KIAA1755: variants seen among roughly 807,000 people sequenced by gnomAD.
KIAA1755 encodes the protein uncharacterized protein KIAA1755.
In KIAA1755, 68 loss-of-function variants were observed where a neutral mutation model predicts 91.7. That is an observed-to-expected ratio of 0.74 (90% CI 0.61 to 0.91). The LOEUF is 0.91. KIAA1755 is among the 40% of genes least tolerant of loss of function. The pLI, the probability that KIAA1755 is intolerant of heterozygous loss-of-function variation, is 0.00. For missense variants in KIAA1755, 1,535 were observed against 1,494.4 expected, an observed-to-expected ratio of 1.03 and a Z score of -0.45; for synonymous variants, 610 against 604.6, an observed-to-expected ratio of 1.01 and a Z score of -0.13.
At position 38,253,325 on chromosome 20, in the gene KIAA1755, C is replaced by T. The variant is rs138129393; in HGVS notation, c.3+7173G>A. On this transcript the variant is annotated intron_variant, in intron 1 of 13. Transcript: ENST00000279024. ...TATAACCTGGGCAGGGGAGTAGGGG[C>T]GTGCGTATACTTCCATTTCAATGTC... 6.6e-3 allele frequency among the ~76,000 whole-genome samples: 1,007 copies of T among 152,274 alleles called. 28 individuals carry two copies. The highest frequency in any genetic ancestry group is 0.059 in the Admixed American group (907 of 15,294).
At chr20:38,259,490 T>C (rs1287564631) in intron 1 of KIAA1755, among the ~76,000 whole-genome samples, 1 of 151,030 alleles carries the variant, frequency 6.6e-6, no homozygotes, top group Non-Finnish European at 1.5e-5. Context: ...TGTGCATGTG[T>C]ACGTGTGTGT....
chr20:38,217,243 C>T lies in KIAA1755; in HGVS notation c.2901+10G>A, dbSNP rs372862729. ...GGGGGGTATCTGTGCAGGTGGGCCGCGGGGCTCACCCTCTTGCAGAAGCGG... is the reference window on the plus strand; with the variant it reads ...GGGGGGTATCTGTGCAGGTGGGCCGTGGGGCTCACCCTCTTGCAGAAGCGG... On this transcript the variant is annotated intron_variant, in intron 13 of 13. Coordinates refer to ENST00000279024, the MANE Select transcript of KIAA1755 (RefSeq NM_001029864.2). 280 of 1,586,318 alleles carry T rather than the reference C, an allele frequency of 1.8e-4. 1 individual carries two copies. The highest frequency in any genetic ancestry group is 1.7e-3 in the Middle Eastern group (10 of 5,966).
chr20:38,239,714 G>A lies in KIAA1755; in HGVS notation c.1561C>T (p.Gln521Ter). 6.2e-7 allele frequency: 1 copy of A among 1,612,148 alleles called. No homozygotes were observed. The highest frequency in any genetic ancestry group is 8.5e-7 in the Non-Finnish European group (1 of 1,179,986). ...AKSLGKAGTT[Q>*]TKTSGPATAP... ...GTGGCTGGGCCAGATGTTTTGGTCT[G>A]AGTTGTTCCAGCTGGGAAAAAGCAA... The change falls in exon 4 of 14, where the codon CAG (glutamine) becomes TAG (stop). Residue 521 changes from glutamine to a stop codon, truncating the protein, a stop_gained. Transcript: ENST00000279024. LOFTEE classifies it high-confidence loss of function.
intron 13 of KIAA1755, chr20:38,216,896 A>C (rs1193682771): frequency 3.9e-6 from 2 of 509,556 alleles, no homozygotes; most frequent in South Asian, 3.1e-5. Context: ...ATCTGTCGTC[A>C]TTTCTCTTCT....
At chr20:38,257,713 C>T (rs1043925541) in intron 1 of KIAA1755, among the ~76,000 whole-genome samples, 3 of 151,972 alleles carry the variant, frequency 2.0e-5, no homozygotes, top group African/African-American at 2.4e-5. Flanking sequence ...CCATTCCTCA[C>T]GATGACACCA....
chr20:38,252,773 G>C (rs2076273279), intron 1 of KIAA1755, among the ~76,000 whole-genome samples: 1 of 152,212 alleles, frequency 6.6e-6, no homozygotes, highest in East Asian at 1.9e-4. Context: ...CCAGTAAAAA[G>C]GAAGTATGTT....
intron 13 of KIAA1755, among the ~76,000 whole-genome samples, chr20:38,215,154 T>C (rs1470729291): frequency 6.6e-6 from 1 of 152,216 alleles, no homozygotes; most frequent in African/African-American, 2.4e-5. Context: ...CAGAGATGGA[T>C]AGCACCTCAG....
chr20:38,246,541 C>T (rs998155856), intron 1 of KIAA1755, among the ~76,000 whole-genome samples: 3 of 152,176 alleles, frequency 2.0e-5, no homozygotes, highest in Admixed American at 6.5e-5. Context: ...GCCTGCAGGC[C>T]TGCAGCCTGA....
At position 38,240,636 on chromosome 20, in the gene KIAA1755, C is replaced by A; in HGVS notation, c.1495G>T (p.Val499Phe). 1 of 1,517,262 alleles carries A rather than the reference C, an allele frequency of 6.6e-7. No individual in the cohort carries two copies. The highest frequency in any genetic ancestry group is 8.8e-7 in the Non-Finnish European group (1 of 1,134,128). 94.0% of individuals were successfully genotyped at this position (1,517,262 alleles called of 1,614,324 possible). A position where few individuals can be genotyped will look rare whatever the true frequency, so the allele number is the denominator to read the frequency against. ...TTAGGAGAGTAGAGGGAACACAGGA[C>A]TTTCCAGGGCCCATTGTGCTGGAGT... ...ASLQHNGPWK[V>F]LCSLYSPKPN... The change falls in exon 3 of 14, where the codon GTC (valine) becomes TTC (phenylalanine). Residue 499 changes from valine to phenylalanine, a missense_variant. Coordinates refer to ENST00000279024, the MANE Select transcript of KIAA1755 (RefSeq NM_001029864.2).
chr20:38,239,676 TG>T lies in KIAA1755; in HGVS notation c.1598del (p.Pro533HisfsTer2). 6.2e-7 allele frequency: 1 copy of T among 1,610,314 alleles called. No individual in the cohort carries two copies. Among genetic ancestry groups the T allele is most frequent in the South Asian group, 1.1e-5 (1 of 90,568 alleles). Reference sequence around the variant, plus strand: ...GCAAGGCAGCCTTTTCCTCAGTCAGTGGGCTGGGGGCAGTGGCTGGGCCAGA... The same window carrying T: ...GCAAGGCAGCCTTTTCCTCAGTCAGTGGCTGGGGGCAGTGGCTGGGCCAGA... ...KTSGPATAPS[P>X]LTEEKAALPE... On this transcript the variant is annotated frameshift_variant, in exon 4 of 14. Transcript: ENST00000279024. LOFTEE classifies it high-confidence loss of function.
rs777737502 is a variant in KIAA1755, at chr20:38,213,575, G to A, written c.3070C>T (p.Leu1024=). 10 of 1,607,378 alleles carry A rather than the reference G, an allele frequency of 6.2e-6. No individual in the cohort carries two copies. In the South Asian group the frequency reaches 1.1e-4, roughly 18 times the overall value. ...LAAVGLQVAS[L]SRAGLGQELW... ...TCCTGGCCCAGGCCTGCCCGGCTCA[G>A]GGAGGCCACCTGCAGCCCCACGGCT... Residue 1024 remains leucine, a synonymous_variant, in exon 14 of 14, where the codon CTG becomes TTG. Transcript: ENST00000279024.
At chr20:38,230,856 C>T (rs1005187806) in intron 5 of KIAA1755, among the ~76,000 whole-genome samples, 2 of 151,512 alleles carry the variant, frequency 1.3e-5, no homozygotes, top group African/African-American at 4.9e-5. Context: ...TTGTTGCACT[C>T]CAGTCTGGGC....
In KIAA1755 at chr20:38,217,489, G is replaced by A; in HGVS notation, c.2680-15C>T. The A allele has an allele frequency of 1.3e-6, 2 of 1,575,894 alleles. No individual in the cohort carries two copies. The highest frequency in any genetic ancestry group is 1.1e-5 in the South Asian group (1 of 87,408). Reference sequence around the variant, plus strand: ...CGGTACTGGGCCTGAGAGGGGAGAGGAGGGGGCGCCCACTCAGCACCCACC... The same window carrying A: ...CGGTACTGGGCCTGAGAGGGGAGAGAAGGGGGCGCCCACTCAGCACCCACC... On this transcript the variant is annotated splice_polypyrimidine_tract_variant and intron_variant, in intron 12 of 13. Transcript: ENST00000279024.
chr20:38,249,491 G>C (rs1260690331), intron 1 of KIAA1755, among the ~76,000 whole-genome samples: 4 of 152,216 alleles, frequency 2.6e-5, no homozygotes, highest in African/African-American at 9.6e-5. Flanking sequence ...AGATTCCAAT[G>C]CCAGGAGGCT....
chr20:38,216,949 A>G (rs1201101447), intron 13 of KIAA1755: 4 of 623,496 alleles, frequency 6.4e-6, no homozygotes, highest in South Asian at 6.1e-5. Flanking sequence ...TACCACAGAC[A>G]CATCTATGTT....
At chr20:38,250,439 C>T (rs1478150972) in intron 1 of KIAA1755, among the ~76,000 whole-genome samples, 1 of 150,674 alleles carries the variant, frequency 6.6e-6, no homozygotes, top group Non-Finnish European at 1.5e-5. Flanking sequence ...TAAGTAAGAG[C>T]CATCACTACA....
intron 1 of KIAA1755, among the ~76,000 whole-genome samples, chr20:38,258,973 T>C (rs2076387934): frequency 6.6e-6 from 1 of 152,140 alleles, no homozygotes; most frequent in African/African-American, 2.4e-5. Context: ...AAACACCAGG[T>C]GCACGCTGTG....
At chr20:38,227,372 AC>A (rs2075778307) in intron 6 of KIAA1755, 132 bp from the exon 7 acceptor site, 1 of 583,742 alleles carries the variant, frequency 1.7e-6, no homozygotes, top group African/African-American at 1.9e-5. Context: ...TCCCTCCATG[AC>A]TGGAATCTTT....
Position 38,246,050 on chromosome 20 carries a change from G to A in KIAA1755, c.80C>T (p.Thr27Ile), listed in dbSNP as rs368990011. 1.2e-5 allele frequency: 19 copies of A among 1,614,186 alleles called. No individual in the cohort carries two copies. Among genetic ancestry groups the A allele is most frequent in the Non-Finnish European group, 1.5e-5 (18 of 1,180,022 alleles). The change falls in exon 2 of 14, where the codon ACC (threonine) becomes ATC (isoleucine). Residue 27 changes from threonine to isoleucine, a missense_variant. Physicochemically the swap from Thr to Ile is moderately conservative, Grantham distance 89 (BLOSUM62 -1). Transcript: ENST00000279024. ...GAGACGGAACACCTGACCCAGGACGGTGGGTGCTGTGGCCTCGAAAGGAGG... is the reference window on the plus strand; with the variant it reads ...GAGACGGAACACCTGACCCAGGACGATGGGTGCTGTGGCCTCGAAAGGAGG... ...LYPPFEATAPTVLGQVFRLLD... is the reference protein window; with the variant it reads ...LYPPFEATAPIVLGQVFRLLD...
Sources: gnomAD v4.1 joint callset for allele counts (sites outside exome capture counted in the v4.1 genomes callset) on GRCh38, gnomAD v4.1.1 for gene constraint, MANE v1.5 for transcripts, NCBI Gene and HGNC (gene_info 2026-07-23, HGNC 2026-07-21) for gene names.